The following PPME1 variants were observed in gnomAD, a reference collection of about 807,000 sequenced individuals.
The protein encoded by PPME1 is testicular secretory protein Li 39.
Under a neutral mutation model 56.9 loss-of-function variants are expected in PPME1, and 17 were observed. The observed-to-expected ratio is 0.30, with a 90% CI of 0.20 to 0.45. The LOEUF (loss-of-function observed/expected upper bound fraction) is 0.45, where lower values mean the gene tolerates loss of function less well. PPME1 is among the 20% of genes least tolerant of loss of function. The pLI, the probability that PPME1 is intolerant of heterozygous loss-of-function variation, is 1.00. For missense variants in PPME1, 357 were observed against 483.2 expected (o/e 0.74, Z 2.45); for synonymous variants, 122 against 156.2 (o/e 0.78, Z 1.63).
intron 1 of PPME1, among the ~76,000 whole-genome samples, chr11:74,201,044 C>T (rs1363425359): frequency 4.0e-5 from 6 of 151,608 alleles, no homozygotes; most frequent in Admixed American, 1.3e-4. Context: ...GGCGCTATCT[C>T]GGCTCACTGC....
chr11:74,222,264 A>C, intron 3 of PPME1, 48 bp from the exon 4 acceptor site: 3 of 1,430,502 alleles, frequency 2.1e-6, no homozygotes, highest in Middle Eastern at 1.8e-4. Flanking sequence ...AATTGGGTGA[A>C]ATTTGTTATC....
At chr11:74,180,892 G>C (rs1051713356) in intron 1 of PPME1, among the ~76,000 whole-genome samples, 15 of 152,152 alleles carry the variant, frequency 9.9e-5, no homozygotes, top group Non-Finnish European at 1.8e-4. Context: ...TTAGGGACCA[G>C]AGCAAGTGGT....
intron 5 of PPME1, among the ~76,000 whole-genome samples, chr11:74,227,186 G>GGAA (rs1462300039): frequency 6.6e-6 from 1 of 152,108 alleles, no homozygotes; most frequent in Non-Finnish European, 1.5e-5. Flanking sequence ...GGATACTGGG[G>GGAA]GAAGTTCTGT....
intron 1 of PPME1, among the ~76,000 whole-genome samples, chr11:74,201,985 G>A (rs1052134513): frequency 6.6e-6 from 1 of 152,146 alleles, no homozygotes; most frequent in African/African-American, 2.4e-5. Context: ...GGCTGAAGTT[G>A]CTGTTTACTT....
In PPME1 at chr11:74,219,987, A is replaced by G. The variant is rs1351695264; in HGVS notation, c.289-2325A>G. 4.6e-5 allele frequency among the ~76,000 whole-genome samples: 7 copies of G among 152,234 alleles called. No homozygotes were observed. The East Asian group carries it at 9.6e-4, about 21-fold the overall frequency. ...CATTTGCCCGATGTGATGGTTATGC[A>G]TTGTTTGCCTGTATCAGAATATCTA... is the stretch of plus-strand genomic sequence containing the variant. On this transcript the variant is annotated intron_variant, in intron 3 of 13. Transcript: ENST00000328257.
At chr11:74,251,811 C>T (rs1859674462) in intron 13 of PPME1, 96 bp downstream of exon 13, 1 of 1,492,556 alleles carries the variant, frequency 6.7e-7, no homozygotes, top group East Asian at 2.3e-5. Context: ...CTTACCCCTG[C>T]CTGGTTTGGT....
intron 5 of PPME1, among the ~76,000 whole-genome samples, chr11:74,227,608 T>C (rs1858963902): frequency 6.6e-6 from 1 of 152,164 alleles, no homozygotes; most frequent in African/African-American, 2.4e-5. Context: ...TACACAGTAA[T>C]GCTTCTCAGA....
chr11:74,251,124 C>T, intron 12 of PPME1, 106 bp downstream of exon 12: 1 of 1,524,630 alleles, frequency 6.6e-7, no homozygotes, highest in African/African-American at 1.4e-5. Flanking sequence ...GCAGCAGCTG[C>T]TGTGGAGCCT....
intron 3 of PPME1, among the ~76,000 whole-genome samples, chr11:74,209,485 T>C (rs1200830399): frequency 1.3e-5 from 2 of 152,186 alleles, no homozygotes; most frequent in Non-Finnish European, 2.9e-5. Context: ...TTAGGGAGTA[T>C]GGAAAGCATG....
At chr11:74,216,591 G>A (rs1858651158) in intron 3 of PPME1, among the ~76,000 whole-genome samples, 3 of 151,700 alleles carry the variant, frequency 2.0e-5, no homozygotes, top group African/African-American at 4.8e-5. Flanking sequence ...AATTAGAAGA[G>A]CAAGAACAAA....
intron 8 of PPME1, chr11:74,237,779 A>G (rs921489950): frequency 6.6e-6 from 1 of 152,190 alleles, no homozygotes; most frequent in African/African-American, 2.4e-5. Context: ...ACTCCTGTGT[A>G]TTTGACTTCA....
At chr11:74,218,347 G>T (rs1442100718) in intron 3 of PPME1, among the ~76,000 whole-genome samples, 1 of 152,120 alleles carries the variant, frequency 6.6e-6, no homozygotes, top group African/African-American at 2.4e-5. Context: ...ATCTACAGAT[G>T]CAACACAATC....
chr11:74,199,930 T>C (rs112494295), intron 1 of PPME1, among the ~76,000 whole-genome samples: 1 of 152,160 alleles, frequency 6.6e-6, no homozygotes, highest in African/African-American at 2.4e-5. Context: ...CCCCCATGAT[T>C]CAATTATCTC....
chr11:74,171,482 G>C lies in PPME1; in HGVS notation c.61G>C (p.Gly21Arg). The change falls in exon 1 of 14, where the codon GGC (glycine) becomes CGC (arginine). Residue 21 changes from glycine to arginine, a missense_variant. By Grantham distance (125) the Gly-to-Arg change is moderately radical (BLOSUM62 -2). Coordinates refer to ENST00000328257, the MANE Select transcript of PPME1 (RefSeq NM_016147.3). ...GRLPSRPPLP[G>R]SGGSQSGAKM... is the part of the protein sequence containing the mutation. ...CCTTCCCTCTCGCCCACCTCTACCC[G>C]GCAGCGGGGGCAGTCAGAGCGGAGC... 6.2e-7 allele frequency: 1 copy of C among 1,613,398 alleles called. No homozygotes were observed. The highest frequency in any genetic ancestry group is 8.5e-7 in the Non-Finnish European group (1 of 1,179,778).
At chr11:74,208,554 A>G (rs1345010628) in intron 3 of PPME1, among the ~76,000 whole-genome samples, 1 of 152,222 alleles carries the variant, frequency 6.6e-6, no homozygotes, top group Non-Finnish European at 1.5e-5. Flanking sequence ...ATCTCAGACT[A>G]GGTTTTGAAT....
At chr11:74,185,767 A>T (rs1468173746) in intron 1 of PPME1, among the ~76,000 whole-genome samples, 1 of 152,094 alleles carries the variant, frequency 6.6e-6, no homozygotes, top group Non-Finnish European at 1.5e-5. Context: ...TAATTTAGGC[A>T]AAGTACAATT....
At position 74,210,314 on chromosome 11, in the gene PPME1, T is replaced by C. The variant is rs184339740; in HGVS notation, c.288+5869T>C. Among the ~76,000 whole-genome samples the C allele has an allele frequency of 8.5e-5, 13 of 152,318 alleles. 1 individual carries two copies. The highest frequency in any genetic ancestry group is 6.8e-3 in the Middle Eastern group (2 of 294). ...AAAACTCTTGGCCACTAGGAATAGA[T>C]GAAAAACTTCCTAAAGATTATAAAA... On this transcript the variant is annotated intron_variant, in intron 3 of 13. Transcript: ENST00000328257.
At chr11:74,216,380 T>C (rs75122367) in intron 3 of PPME1, among the ~76,000 whole-genome samples, 1 of 152,172 alleles carries the variant, frequency 6.6e-6, no homozygotes, top group African/African-American at 2.4e-5. Context: ...ATAAACACTA[T>C]GCTCCTAAAT....
At chr11:74,189,857 A>G (rs1168325928) in intron 1 of PPME1, among the ~76,000 whole-genome samples, 1 of 152,180 alleles carries the variant, frequency 6.6e-6, no homozygotes, top group Non-Finnish European at 1.5e-5. Flanking sequence ...AATTGTCTTT[A>G]ATGTTCTACA....
Sources: gnomAD v4.1 joint callset for allele counts (sites outside exome capture counted in the v4.1 genomes callset) on GRCh38, gnomAD v4.1.1 for gene constraint, MANE v1.5 for transcripts, NCBI Gene and HGNC (gene_info 2026-07-23, HGNC 2026-07-21) for gene names.